Variants in PARD3 observed in about 807,000 individuals in gnomAD.
The protein encoded by PARD3 is par-3 family cell polarity regulator.
Under a neutral mutation model 155.4 loss-of-function variants are expected in PARD3, and 75 were observed. The observed-to-expected ratio is 0.48, with a 90% CI of 0.40 to 0.58. The LOEUF (loss-of-function observed/expected upper bound fraction) is 0.58. PARD3 is among the 20% of genes least tolerant of loss of function. The probability of loss-of-function intolerance (pLI) is 0.00; values close to 1 mark genes in which losing one functional copy is unlikely to be tolerated. For missense variants in PARD3, 1,642 were observed against 1,721.7 expected (o/e 0.95, Z 0.82); for synonymous variants, 576 against 610.5 (o/e 0.94, Z 0.83).
chr10:34,683,078 T>C (rs1193950574), intron 2 of PARD3, among the ~76,000 whole-genome samples: 2 of 152,176 alleles, frequency 1.3e-5, no homozygotes, highest in Admixed American at 1.3e-4. Context: ...AATGAAATCA[T>C]GTCCTTTGCA....
intron 22 of PARD3, among the ~76,000 whole-genome samples, chr10:34,267,950 A>G (rs1339195991): frequency 6.6e-6 from 1 of 152,166 alleles, no homozygotes; most frequent in Non-Finnish European, 1.5e-5. Flanking sequence ...TTTTAATGAA[A>G]CCTGCTATTC....
intron 2 of PARD3, among the ~76,000 whole-genome samples, chr10:34,613,841 A>G (rs2091074613): frequency 6.6e-6 from 1 of 152,248 alleles, no homozygotes; most frequent in Non-Finnish European, 1.5e-5. Context: ...ATCTTTTTCT[A>G]ATAACTTTAA....
At chr10:34,757,432 C>T (rs571829605) in intron 1 of PARD3, among the ~76,000 whole-genome samples, 18 of 152,258 alleles carry the variant, frequency 1.2e-4, no homozygotes, top group South Asian at 6.2e-4. Context: ...TGGCCGGGTG[C>T]GGTGGCTCAT....
chr10:34,639,749 C>T (rs867217266), intron 2 of PARD3, among the ~76,000 whole-genome samples: 1 of 152,086 alleles, frequency 6.6e-6, no homozygotes, highest in South Asian at 2.1e-4. Flanking sequence ...ACCTGTAGTC[C>T]CAGCTACTTG....
chr10:34,185,811 C>CTATGTTATAT (rs1554804705), intron 22 of PARD3, among the ~76,000 whole-genome samples: 1 of 143,706 alleles, frequency 7.0e-6, no homozygotes, highest in African/African-American at 2.5e-5. Context: ...GTAACATCTT[C>CTATGTTATAT]TATATTATAT....
chr10:34,461,675 T>A (rs1351999260), intron 4 of PARD3, among the ~76,000 whole-genome samples: 2 of 152,204 alleles, frequency 1.3e-5, no homozygotes, highest in African/African-American at 2.4e-5. Context: ...TTTCAATGTA[T>A]ATAGACTACG....
At chr10:34,550,782 T>A (rs1012588274) in intron 2 of PARD3, among the ~76,000 whole-genome samples, 1 of 152,216 alleles carries the variant, frequency 6.6e-6, no homozygotes, top group Non-Finnish European at 1.5e-5. Context: ...AGAAGCATGA[T>A]ATTAAAAGAC....
intron 5 of PARD3, among the ~76,000 whole-genome samples, chr10:34,404,089 ATG>A (rs1844184317): frequency 6.6e-6 from 1 of 152,210 alleles, no homozygotes; most frequent in Non-Finnish European, 1.5e-5. Context: ...ACCAAAGAGC[ATG>A]GAGAATATTA....
intron 2 of PARD3, among the ~76,000 whole-genome samples, chr10:34,651,011 CAAAAAAAAAAAAAAAAAA>C (rs60113552): frequency 2.0e-3 from 91 of 44,538 alleles, no homozygotes; most frequent in Middle Eastern, 0.016. Flanking sequence ...AACTCTGTCT[CAAAAAAAAAAAAAAAAAA>C]AAAAAAAAAA....
At chr10:34,583,949 T>C (rs1393402247) in intron 2 of PARD3, among the ~76,000 whole-genome samples, 1 of 152,218 alleles carries the variant, frequency 6.6e-6, no homozygotes, top group Non-Finnish European at 1.5e-5. Flanking sequence ...ATATCTATGA[T>C]GCTACCAATT....
chr10:34,484,497 A>G (rs760547553), intron 3 of PARD3, among the ~76,000 whole-genome samples: 1 of 152,110 alleles, frequency 6.6e-6, no homozygotes, highest in Non-Finnish European at 1.5e-5. Flanking sequence ...GCTCCTCTCG[A>G]GTACTCAACT....
intron 22 of PARD3, among the ~76,000 whole-genome samples, chr10:34,249,068 G>T (rs1954136057): frequency 6.6e-6 from 1 of 151,970 alleles, no homozygotes; most frequent in South Asian, 2.1e-4. Context: ...TAGTGGTAAG[G>T]GAGACCAGCA....
intron 2 of PARD3, among the ~76,000 whole-genome samples, chr10:34,611,918 C>T (rs1448484333): frequency 1.5e-5 from 2 of 133,602 alleles, no homozygotes; most frequent in Non-Finnish European, 3.2e-5. Context: ...CACACCATTC[C>T]CCTGCCTCAG....
intron 2 of PARD3, among the ~76,000 whole-genome samples, chr10:34,613,003 T>A (rs1001368167): frequency 8.5e-5 from 13 of 152,284 alleles, no homozygotes; most frequent in African/African-American, 2.9e-4. Context: ...AACCTAAACC[T>A]ACATAGGTGA....
At chr10:34,505,895 A>C (rs1254227366) in intron 3 of PARD3, among the ~76,000 whole-genome samples, 2 of 152,170 alleles carry the variant, frequency 1.3e-5, no homozygotes, top group South Asian at 2.1e-4. Flanking sequence ...CACTTTGGGA[A>C]GCTGAGGCAG....
intron 2 of PARD3, among the ~76,000 whole-genome samples, chr10:34,518,992 A>G (rs1239874379): frequency 6.6e-6 from 1 of 152,212 alleles, no homozygotes; most frequent in Non-Finnish European, 1.5e-5. Flanking sequence ...AGTATATAAC[A>G]TTACTTTTGT....
chr10:34,180,105 T>C (rs777853577), intron 22 of PARD3, among the ~76,000 whole-genome samples: 16 of 152,146 alleles, frequency 1.1e-4, no homozygotes. Flanking sequence ...TGGAGTGCAG[T>C]GGCACGATCT....
At chr10:34,601,418 A>C (rs1418331910) in intron 2 of PARD3, among the ~76,000 whole-genome samples, 2 of 152,200 alleles carry the variant, frequency 1.3e-5, no homozygotes, top group African/African-American at 2.4e-5. Flanking sequence ...TCTACCTTGG[A>C]TGACAAAGTG....
At chr10:34,813,515 A>G (rs1447079247) in intron 1 of PARD3, among the ~76,000 whole-genome samples, 1 of 152,200 alleles carries the variant, frequency 6.6e-6, no homozygotes, top group Admixed American at 6.5e-5. Flanking sequence ...ATTTTCAATA[A>G]AAGAGTTCAA....
Sources: allele counts gnomAD v4.1 joint callset (sites outside exome capture counted in the v4.1 genomes callset), GRCh38; gene constraint gnomAD v4.1.1; transcripts MANE v1.5; gene names NCBI Gene and HGNC (gene_info 2026-07-23, HGNC 2026-07-21).